The following RAD51B variants were observed in gnomAD, a reference collection of about 807,000 sequenced individuals.
RAD51B encodes the protein DNA repair protein RAD51 homolog 2.
In RAD51B, 38 loss-of-function variants were observed where a neutral mutation model predicts 42.2. That is an observed-to-expected ratio of 0.90 (90% CI 0.70 to 1.18). The LOEUF is 1.18. RAD51B is among the 50% of genes most tolerant of loss of function. The probability of loss-of-function intolerance (pLI) is 0.00; values close to 1 mark genes in which losing one functional copy is unlikely to be tolerated. For synonymous variants in RAD51B, 154 were observed against 145.2 expected, an observed-to-expected ratio of 1.06 and a Z score of -0.43; for missense variants, 373 against 400.7, an observed-to-expected ratio of 0.93 and a Z score of 0.59.
At chr14:67,865,942 C>T (rs1317439255) in intron 5 of RAD51B, among the ~76,000 whole-genome samples, 1 of 152,194 alleles carries the variant, frequency 6.6e-6, no homozygotes, top group African/African-American at 2.4e-5. Flanking sequence ...AGGCATTTAA[C>T]ATCACAAAAA....
chr14:68,217,799 G>A (rs556478516), intron 7 of RAD51B, among the ~76,000 whole-genome samples: 1 of 152,300 alleles, frequency 6.6e-6, no homozygotes, highest in South Asian at 2.1e-4. Flanking sequence ...CTAAAACAGA[G>A]GAAGTCATGG....
intron 7 of RAD51B, among the ~76,000 whole-genome samples, chr14:68,217,150 G>A (rs1046519667): frequency 1.3e-5 from 2 of 152,122 alleles, no homozygotes; most frequent in African/African-American, 4.8e-5. Flanking sequence ...TGCCTCCCCT[G>A]CTGCTCTCCT....
At chr14:68,082,493 T>TTATGTATGTATGTATGTATGTA (rs2076926940) in intron 7 of RAD51B, among the ~76,000 whole-genome samples, 1 of 151,146 alleles carries the variant, frequency 6.6e-6, no homozygotes, top group Non-Finnish European at 1.5e-5. Flanking sequence ...ATATATGTAT[T>TTATGTATGTATGTATGTATGTA]TATGTATGTA....
intron 7 of RAD51B, among the ~76,000 whole-genome samples, chr14:67,922,069 C>G (rs1242766812): frequency 6.6e-6 from 1 of 152,236 alleles, no homozygotes; most frequent in African/African-American, 2.4e-5. Flanking sequence ...AGCTTTGGAT[C>G]AAGTTGCCAG....
intron 7 of RAD51B, among the ~76,000 whole-genome samples, chr14:68,119,475 C>T (rs1391818148): frequency 4.2e-5 from 5 of 118,370 alleles, no homozygotes; most frequent in African/African-American, 9.4e-5. Context: ...CCCCTCCCCC[C>T]ACCCCACAAC....
chr14:68,240,609 C>G (rs1447298981), intron 7 of RAD51B, among the ~76,000 whole-genome samples: 1 of 152,142 alleles, frequency 6.6e-6, no homozygotes, highest in Non-Finnish European at 1.5e-5. Context: ...TGTGGCCTGA[C>G]ATTTGTTCAT....
intron 8 of RAD51B, among the ~76,000 whole-genome samples, chr14:68,311,527 A>G (rs2081967619): frequency 6.6e-6 from 1 of 152,180 alleles, no homozygotes; most frequent in Non-Finnish European, 1.5e-5. Flanking sequence ...TTAAAACAGC[A>G]CTAGTGCTGT....
intron 7 of RAD51B, among the ~76,000 whole-genome samples, chr14:67,923,450 C>A (rs1251102765): frequency 6.6e-6 from 1 of 151,968 alleles, no homozygotes; most frequent in African/African-American, 2.4e-5. Context: ...CAGTCATGTG[C>A]CACCACGCCT....
At chr14:68,673,836 C>A (rs1283164351) in intron 11 of RAD51B, among the ~76,000 whole-genome samples, 1 of 150,310 alleles carries the variant, frequency 6.7e-6, no homozygotes, top group African/African-American at 2.5e-5. Context: ...ACTGTACATA[C>A]ACATATGTAC....
At chr14:68,206,746 C>T (rs1447103342) in intron 7 of RAD51B, among the ~76,000 whole-genome samples, 1 of 151,384 alleles carries the variant, frequency 6.6e-6, no homozygotes, top group East Asian at 1.9e-4. Context: ...ACCTACTCTG[C>T]CTAAGCTCTG....
chr14:68,367,546 T>C (rs1202311867), intron 8 of RAD51B, among the ~76,000 whole-genome samples: 1 of 152,214 alleles, frequency 6.6e-6, no homozygotes, highest in Non-Finnish European at 1.5e-5. Context: ...TTCATGAGGA[T>C]TGAAGGAACA....
At chr14:68,544,488 A>T (rs17828907) in intron 10 of RAD51B, among the ~76,000 whole-genome samples, 27,766 of 152,244 alleles carry the variant, frequency 0.18, 3,247 homozygotes, top group Non-Finnish European at 0.27. Flanking sequence ...CGCAGCAAGC[A>T]GATTGTATTT....
At chr14:68,381,975 T>A (rs187848435) in intron 8 of RAD51B, among the ~76,000 whole-genome samples, 1 of 152,288 alleles carries the variant, frequency 6.6e-6, no homozygotes, top group Admixed American at 6.5e-5. Context: ...TAATGGCCAG[T>A]GGATGCAAAA....
chr14:68,484,608 C>T (rs962553794), intron 10 of RAD51B, among the ~76,000 whole-genome samples: 1 of 152,130 alleles, frequency 6.6e-6, no homozygotes, highest in South Asian at 2.1e-4. Flanking sequence ...CCACCCGCCT[C>T]GGCCTCCCAA....
At chr14:68,390,597 G>A (rs1206681709) in intron 8 of RAD51B, among the ~76,000 whole-genome samples, 5 of 152,242 alleles carry the variant, frequency 3.3e-5, no homozygotes, top group Non-Finnish European at 5.9e-5. Flanking sequence ...AGCATTGAAT[G>A]AAACTGAAAG....
intron 7 of RAD51B, among the ~76,000 whole-genome samples, chr14:68,061,260 G>A (rs1352408637): frequency 2.0e-5 from 3 of 151,574 alleles, no homozygotes; most frequent in Non-Finnish European, 2.9e-5. Flanking sequence ...GTATAGATGG[G>A]GTTTCACTAT....
At chr14:68,129,543 T>C (rs565647016) in intron 7 of RAD51B, among the ~76,000 whole-genome samples, 1 of 152,266 alleles carries the variant, frequency 6.6e-6, no homozygotes, top group South Asian at 2.1e-4. Context: ...TAGAAATCGA[T>C]AAGCACAGGG....
chr14:68,014,295 A>T (rs1353051578), intron 7 of RAD51B, among the ~76,000 whole-genome samples: 1 of 143,828 alleles, frequency 7.0e-6, no homozygotes, highest in Non-Finnish European at 1.5e-5. Context: ...ACATTTGTTG[A>T]TTCTGCTTTG....
intron 8 of RAD51B, among the ~76,000 whole-genome samples, chr14:68,363,008 C>T (rs1197355977): frequency 6.6e-6 from 1 of 152,160 alleles, no homozygotes; most frequent in Non-Finnish European, 1.5e-5. Flanking sequence ...AACCTAGAGA[C>T]ATTTGTGTTC....
Sources: allele counts gnomAD v4.1 joint callset (sites outside exome capture counted in the v4.1 genomes callset), GRCh38; gene constraint gnomAD v4.1.1; transcripts MANE v1.5; gene names NCBI Gene and HGNC (gene_info 2026-07-23, HGNC 2026-07-21).